Variants in TNNI3K observed in about 807,000 individuals in gnomAD.
TNNI3K encodes TNNI3 interacting kinase.
Under a neutral mutation model 114.5 loss-of-function variants are expected in TNNI3K, and 140 were observed. The ratio of observed to expected loss-of-function variants is 1.22; its 90% CI spans 1.07 to 1.41. TNNI3K has a LOEUF of 1.41. Among genes scored for constraint, TNNI3K ranks in the 40% most tolerant of loss-of-function variants. The probability of loss-of-function intolerance (pLI) is 0.00; values close to 1 mark genes in which losing one functional copy is unlikely to be tolerated. For missense variants in TNNI3K, 1,125 were observed against 1,007.6 expected, an observed-to-expected ratio of 1.12 and a Z score of -1.58; for synonymous variants, 347 against 347.5, an observed-to-expected ratio of 1.00 and a Z score of 0.02.
rs138871922 is a variant in TNNI3K, at chr1:74,382,715, C to A, written c.1772+12323C>A. Among the ~76,000 whole-genome samples the A allele has an allele frequency of 9.5e-4, 145 of 152,282 alleles. 1 individual carries two copies. The highest frequency in any genetic ancestry group is 6.8e-3 in the Middle Eastern group (2 of 292). ...ACCCTTGTATGTGAAGAACTGTATT[C>A]TCAGTCACTAAACCCTCATTTAATG... On this transcript the variant is annotated intron_variant, in intron 17 of 24. Coordinates refer to ENST00000326637, the MANE Select transcript of TNNI3K (RefSeq NM_015978.3).
At chr1:74,292,306 A>G (rs145986792) in intron 5 of TNNI3K, among the ~76,000 whole-genome samples, 7 of 151,470 alleles carry the variant, frequency 4.6e-5, no homozygotes, top group African/African-American at 1.7e-4. Flanking sequence ...CTTAAGATGG[A>G]TGCATAGCTT....
At chr1:74,303,357 G>T (rs1194619529) in intron 5 of TNNI3K, among the ~76,000 whole-genome samples, 1 of 151,926 alleles carries the variant, frequency 6.6e-6, no homozygotes, top group Non-Finnish European at 1.5e-5. Context: ...TAGAGACAGG[G>T]TTTCGCTATG....
chr1:74,353,205 G>C (rs1037808714), intron 9 of TNNI3K, 61 bp from the exon 10 acceptor site: 1 of 1,562,812 alleles, frequency 6.4e-7, no homozygotes, highest in Non-Finnish European at 8.7e-7. Flanking sequence ...AGGGGAGAGG[G>C]CACAATTTAG....
chr1:74,272,834 A>G (rs1005162744), intron 5 of TNNI3K, among the ~76,000 whole-genome samples: 2 of 151,906 alleles, frequency 1.3e-5, no homozygotes, highest in African/African-American at 4.8e-5. Flanking sequence ...TTATATAGTA[A>G]TTGCCTTGAC....
chr1:74,483,657 T>C (rs757836736), intron 21 of TNNI3K, among the ~76,000 whole-genome samples: 3 of 152,252 alleles, frequency 2.0e-5, no homozygotes, highest in Admixed American at 1.3e-4. Flanking sequence ...GTATAGTTTG[T>C]AGTGCTTTCA....
Position 74,276,243 on chromosome 1 carries a change from C to T in TNNI3K, c.444+4535C>T, listed in dbSNP as rs147738463. Among the ~76,000 whole-genome samples the T allele has an allele frequency of 1.4e-3, 220 of 151,916 alleles. 2 individuals carry two copies. Among genetic ancestry groups the T allele is most frequent in the African/African-American group, 5.0e-3 (209 of 41,466 alleles). ...ATTTAATGGACACATTTGGGTTTAA[C>T]GTAAATTTTTAGAAATTATATATAG... is the stretch of plus-strand genomic sequence containing the variant. On this transcript the variant is annotated intron_variant, in intron 5 of 24. Coordinates refer to ENST00000326637, the MANE Select transcript of TNNI3K (RefSeq NM_015978.3).
chr1:74,251,243 C>T (rs774226746), intron 4 of TNNI3K, among the ~76,000 whole-genome samples: 6 of 152,070 alleles, frequency 3.9e-5, no homozygotes, highest in Non-Finnish European at 4.4e-5. Flanking sequence ...TATATTAGCC[C>T]CTGGCTCCAA....
intron 12 of TNNI3K, 96 bp from the exon 13 acceptor site, chr1:74,367,812 C>G: frequency 8.3e-7 from 1 of 1,203,796 alleles, no homozygotes; most frequent in Non-Finnish European, 1.2e-6. Context: ...GATAGTTTTA[C>G]TTCGTTTCGT....
intron 17 of TNNI3K, among the ~76,000 whole-genome samples, chr1:74,421,179 G>A (rs1013746380): frequency 6.6e-5 from 10 of 152,076 alleles, no homozygotes; most frequent in African/African-American, 2.4e-4. Context: ...TATTTGACAA[G>A]CCCCAGAACA....
intron 21 of TNNI3K, among the ~76,000 whole-genome samples, chr1:74,488,882 C>A (rs1271944561): frequency 1.3e-5 from 2 of 152,072 alleles, no homozygotes; most frequent in Non-Finnish European, 2.9e-5. Flanking sequence ...CACTATTATT[C>A]TTTCATTTTG....
At chr1:74,442,564 C>T (rs1666423357) in intron 20 of TNNI3K, among the ~76,000 whole-genome samples, 1 of 152,070 alleles carries the variant, frequency 6.6e-6, no homozygotes, top group Non-Finnish European at 1.5e-5. Context: ...AACATCTTAA[C>T]CGTGTTAGTC....
chr1:74,418,111 A>G (rs1217477004), intron 17 of TNNI3K: 2 of 443,600 alleles, frequency 4.5e-6, no homozygotes, highest in Non-Finnish European at 9.0e-6. Context: ...GTTATATGGG[A>G]CTGTGGGAAG....
intron 17 of TNNI3K, among the ~76,000 whole-genome samples, chr1:74,435,568 C>G (rs561140026): frequency 1.3e-5 from 2 of 151,998 alleles, no homozygotes; most frequent in Non-Finnish European, 2.9e-5. Flanking sequence ...TTTCACAGAT[C>G]TCAAAACACT....
intron 17 of TNNI3K, among the ~76,000 whole-genome samples, chr1:74,396,145 A>C (rs957479558): frequency 3.3e-5 from 5 of 152,210 alleles, no homozygotes; most frequent in Non-Finnish European, 5.9e-5. Context: ...GCCCCATCTC[A>C]AACATCTCAC....
intron 17 of TNNI3K, among the ~76,000 whole-genome samples, chr1:74,417,566 C>T (rs1023076968): frequency 2.6e-5 from 4 of 151,982 alleles, no homozygotes; most frequent in Non-Finnish European, 4.4e-5. Flanking sequence ...TCTCACAGCT[C>T]ACACAATATA....
intron 17 of TNNI3K, among the ~76,000 whole-genome samples, chr1:74,411,374 A>G (rs185217747): frequency 6.6e-6 from 1 of 152,282 alleles, no homozygotes; most frequent in Admixed American, 6.5e-5. Context: ...CATGGGTAAA[A>G]CTTGTTGGTT....
chr1:74,407,455 GT>G (rs1664670448), intron 17 of TNNI3K, among the ~76,000 whole-genome samples: 1 of 151,370 alleles, frequency 6.6e-6, no homozygotes, highest in Non-Finnish European at 1.5e-5. Context: ...TTATACAAAC[GT>G]TTTTTTATTC....
intron 5 of TNNI3K, among the ~76,000 whole-genome samples, chr1:74,326,624 G>T (rs1347471396): frequency 6.6e-6 from 1 of 152,136 alleles, no homozygotes; most frequent in Non-Finnish European, 1.5e-5. Context: ...ATGAAAGAGT[G>T]ATTTACCCAC....
At position 74,367,980 on chromosome 1, in the gene TNNI3K, G is replaced by A; in HGVS notation, c.1321+16G>A. 6.5e-7 allele frequency: 1 copy of A among 1,541,964 alleles called. No individual in the cohort carries two copies. The highest frequency in any genetic ancestry group is 1.3e-5 in the South Asian group (1 of 77,466). On this transcript the variant is annotated intron_variant, in intron 13 of 24. Transcript: ENST00000326637. The stretch of plus-strand genomic sequence containing the variant: ...ATGACAAAAGGTACCTATAATCTGG[G>A]ACAATTGTTATATTTAATTACTAAG...
Sources: allele counts gnomAD v4.1 joint callset (sites outside exome capture counted in the v4.1 genomes callset), GRCh38; gene constraint gnomAD v4.1.1; transcripts MANE v1.5; gene names NCBI Gene and HGNC (gene_info 2026-07-23, HGNC 2026-07-21).